The following BEND2 variants were observed in gnomAD, a reference collection of about 807,000 sequenced individuals.
BEND2 encodes the protein BEN domain-containing protein 2.
A neutral mutation model predicts 43.8 loss-of-function variants in BEND2; 19 were observed. The ratio of observed to expected loss-of-function variants is 0.43; its 90% CI spans 0.30 to 0.64. The LOEUF (loss-of-function observed/expected upper bound fraction) is 0.64, where lower values mean the gene tolerates loss of function less well. BEND2 is among the 30% of genes least tolerant of loss of function. The pLI is 0.11. For synonymous variants in BEND2, 226 were observed against 210.1 expected, an observed-to-expected ratio of 1.08 and a Z score of -0.66; for missense variants, 544 against 574.0, an observed-to-expected ratio of 0.95 and a Z score of 0.53.
chrX:18,192,946 C>T (rs1201415156), intron 7 of BEND2, among the ~76,000 whole-genome samples: 2 of 110,963 alleles, frequency 1.8e-5, no homozygotes, highest in Non-Finnish European at 3.8e-5. Flanking sequence ...TGGAGGCCAG[C>T]CTGGCCAACA....
At chrX:18,189,745 A>G (rs1924694122) in intron 8 of BEND2, among the ~76,000 whole-genome samples, 1 of 111,738 alleles carries the variant, frequency 8.9e-6, no homozygotes, top group Non-Finnish European at 1.9e-5. Context: ...AGAGCCATAC[A>G]TCATTTCGAA....
intron 4 of BEND2, among the ~76,000 whole-genome samples, chrX:18,206,867 A>C (rs1012298101): frequency 8.9e-6 from 1 of 111,880 alleles, no homozygotes; most frequent in Non-Finnish European, 1.9e-5. Context: ...GGTGGACTCA[A>C]GAGGGAACTG....
chrX:18,200,236 C>T (rs1204981909), intron 6 of BEND2, among the ~76,000 whole-genome samples: 1 of 111,271 alleles, frequency 9.0e-6, no homozygotes, highest in African/African-American at 3.3e-5. Context: ...GGTGTGGTGG[C>T]TCATGCCTGT....
intron 1 of BEND2, among the ~76,000 whole-genome samples, chrX:18,220,292 C>T (rs1925826266): frequency 1.8e-5 from 2 of 112,373 alleles, no homozygotes; most frequent in Non-Finnish European, 3.8e-5. Context: ...TCTGTATCGC[C>T]GGAGCCCGGC....
At position 18,171,208 on chromosome X, in the gene BEND2, G is replaced by A. The variant is rs1272033903; in HGVS notation, c.1982-4C>T. On this transcript the variant is annotated splice_region_variant and splice_polypyrimidine_tract_variant and intron_variant, in intron 12 of 13. Transcript: ENST00000380033. ...CTCCATGGTCTTCCAAAATAGCCTA[G>A]AAGCAAAAAAGAAAGATGTCAATTT... is the stretch of plus-strand genomic sequence containing the variant. The A allele has an allele frequency of 1.8e-5, 21 of 1,190,051 alleles. No homozygotes were observed. The highest frequency in any genetic ancestry group is 2.3e-5 in the Non-Finnish European group (20 of 879,969).
rs900863459 is a variant in BEND2 at position 18,163,333 on chromosome X, G to A, written c.*1676C>T. On this transcript the variant is annotated 3_prime_UTR_variant, in exon 14 of 14. Transcript: ENST00000380033. ...TTATAAATAAGAGGCATTTTGAACT[G>A]TGCCATCCAACACAGTAGCCACTAT... The A allele has an allele frequency of 2.7e-5, 3 of 111,296 alleles. No homozygotes were observed. Among genetic ancestry groups the A allele is most frequent in the Non-Finnish European group, 5.7e-5 (3 of 53,058 alleles). 9.2% of individuals were successfully genotyped at this position (111,296 alleles called of 1,213,427 possible).
intron 10 of BEND2, 25 bp downstream of exon 10, chrX:18,177,544 C>T (rs1924212763): frequency 8.5e-7 from 1 of 1,178,876 alleles, no homozygotes; most frequent in South Asian, 1.8e-5. Flanking sequence ...AAATAAGATT[C>T]CATTATCACT....
At chrX:18,172,597 G>A (rs1924007812) in intron 12 of BEND2, among the ~76,000 whole-genome samples, 1 of 110,836 alleles carries the variant, frequency 9.0e-6, no homozygotes, top group Non-Finnish European at 1.9e-5. Flanking sequence ...AGGAGGCTGA[G>A]GCAGGAGAAT....
At chrX:18,200,105 T>A (rs1925091868) in intron 6 of BEND2, among the ~76,000 whole-genome samples, 1 of 111,918 alleles carries the variant, frequency 8.9e-6, no homozygotes, top group African/African-American at 3.2e-5. Flanking sequence ...GCTTCACTCC[T>A]AATATCCAAA....
chrX:18,212,133 C>G (rs1192806324), intron 4 of BEND2, among the ~76,000 whole-genome samples: 2 of 88,972 alleles, frequency 2.2e-5, no homozygotes, highest in African/African-American at 8.7e-5. Flanking sequence ...ATTGTTCTGT[C>G]ACCCAGGCTG....
intron 10 of BEND2, among the ~76,000 whole-genome samples, chrX:18,177,292 G>C (rs192751357): frequency 3.4e-5 from 3 of 87,041 alleles, no homozygotes; most frequent in East Asian, 3.6e-4. Flanking sequence ...GCAAGTTTCA[G>C]GGCTAAAGAA....
intron 8 of BEND2, among the ~76,000 whole-genome samples, chrX:18,189,500 G>A (rs1602039242): frequency 9.0e-6 from 1 of 111,176 alleles, no homozygotes; most frequent in Admixed American, 9.6e-5. Flanking sequence ...GACAGAGACT[G>A]TCTCAAAACG....
chrX:18,182,553 G>C (rs1386005429), intron 8 of BEND2, among the ~76,000 whole-genome samples: 1 of 111,651 alleles, frequency 9.0e-6, no homozygotes, highest in Admixed American at 9.6e-5. Flanking sequence ...AAAGTTACCA[G>C]AGACAAATAA....
At position 18,212,604 on chromosome X, in the gene BEND2, T is replaced by G. The variant is rs776351374; in HGVS notation, c.453A>C (p.Glu151Asp). 1 of 1,207,356 alleles carries G rather than the reference T, an allele frequency of 8.3e-7. No individual in the cohort carries two copies. Among genetic ancestry groups the G allele is most frequent in the African/African-American group, 1.7e-5 (1 of 57,221 alleles). The change falls in exon 4 of 14, where the codon GAA (glutamate) becomes GAC (aspartate). Residue 151 changes from glutamate (E) to aspartate (D), a missense_variant. Glu to Asp is a conservative substitution (Grantham distance 45). Transcript: ENST00000380033. The stretch of plus-strand genomic sequence containing the variant: ...ATCTTCCTCTTTTTGGAAAATCCAC[T>G]TCCTCTGAGTTGTAACTGTATCTTC... ...HLRRYSYNSE[E>D]VDFPKRGRFY...
At chrX:18,194,117 T>C (rs1429890786) in intron 7 of BEND2, among the ~76,000 whole-genome samples, 5 of 111,577 alleles carry the variant, frequency 4.5e-5, no homozygotes, top group African/African-American at 1.6e-4. Flanking sequence ...GAAGAAAGAA[T>C]GATGGAAAGA....
chrX:18,206,825 G>A (rs1418940671), intron 4 of BEND2, among the ~76,000 whole-genome samples: 3 of 111,665 alleles, frequency 2.7e-5, no homozygotes, highest in Non-Finnish European at 5.7e-5. Flanking sequence ...AACTGAGGGC[G>A]TCCTCCTCTG....
intron 6 of BEND2, among the ~76,000 whole-genome samples, chrX:18,201,022 C>A (rs751944750): frequency 2.0e-4 from 22 of 112,020 alleles, no homozygotes; most frequent in Non-Finnish European, 4.1e-4. Flanking sequence ...TTATTTCTTA[C>A]AACTGTGTGT....
chrX:18,165,600 G>A (rs1923803080), intron 13 of BEND2, among the ~76,000 whole-genome samples: 1 of 112,096 alleles, frequency 8.9e-6, no homozygotes, highest in African/African-American at 3.2e-5. Flanking sequence ...CAATGAACAA[G>A]AGGCTGCAGT....
In BEND2 at chrX:18,201,871, C is replaced by T. The variant is rs1925177916; in HGVS notation, c.977G>A (p.Gly326Glu). The T allele has an allele frequency of 3.3e-6, 4 of 1,209,640 alleles. No individual in the cohort carries two copies. In the East Asian group the frequency reaches 1.2e-4, roughly 36 times the overall value. ...TETANYPTLMGNYNGQNTASL... is the reference protein window; with the variant it reads ...TETANYPTLMENYNGQNTASL... ...GGCAGTATTTTGGCCATTGTAATTTCCCATTAAAGTTGGATAATTCGCTGT... is the reference window on the plus strand; with the variant it reads ...GGCAGTATTTTGGCCATTGTAATTTTCCATTAAAGTTGGATAATTCGCTGT... Residue 326 changes from glycine (G) to glutamate (E), a missense_variant, in exon 6 of 14, where the codon GGA becomes GAA. Gly to Glu is a moderately conservative substitution (Grantham distance 98). This residue lies in a region of BEND2 where 501 missense variants were observed against 501.6 expected (regional missense o/e 1.00). Transcript: ENST00000380033.
Sources: gnomAD v4.1 joint callset for allele counts (sites outside exome capture counted in the v4.1 genomes callset) on GRCh38, gnomAD v4.1.1 for gene constraint, gnomAD v4.1.1 regional missense constraint, MANE v1.5 for transcripts, NCBI Gene and HGNC (gene_info 2026-07-23, HGNC 2026-07-21) for gene names.